The following OFD1 variants were observed in gnomAD, a reference collection of about 807,000 sequenced individuals.
OFD1 encodes the protein OFD1 centriole and centriolar satellite protein.
OFD1 carries 12 observed loss-of-function variants against 81.4 expected under a neutral mutation model. The observed-to-expected ratio is 0.15, with a 90% CI of 0.09 to 0.24. The LOEUF is 0.24. OFD1 is among the 10% of genes least tolerant of loss of function. The probability of loss-of-function intolerance (pLI) is 1.00; values close to 1 mark genes in which losing one functional copy is unlikely to be tolerated. For missense variants in OFD1, 685 were observed against 733.9 expected (o/e 0.93, Z 0.77); for synonymous variants, 256 against 263.7 (o/e 0.97, Z 0.28).
At position 13,734,787 on chromosome X, in the gene OFD1, C is replaced by T. The variant is rs1382367457; in HGVS notation, c.-285C>T. The stretch of plus-strand genomic sequence containing the variant: ...GGTCCTGCCTCGCTGCCTTCAGTCC[C>T]TAGTGTCTGGGTCCCCGCCCTCCAG... On this transcript the variant is annotated 5_prime_UTR_variant, in exon 1 of 23. Transcript: ENST00000340096. 1.2e-5 allele frequency: 13 copies of T among 1,069,550 alleles called. No individual in the cohort carries two copies. The highest frequency in any genetic ancestry group is 3.8e-5 in the African/African-American group (2 of 52,937). The allele number at this position is 1,069,550 out of a possible 1,213,427, so 88.1% of individuals were successfully genotyped here. A position where few individuals can be genotyped will look rare whatever the true frequency, so the allele number is the denominator to read the frequency against.
rs888766676 is a variant in OFD1 at position 13,769,191 on chromosome X, C to T, written c.*83C>T. 1.3e-6 allele frequency: 1 copy of T among 768,280 alleles called. No individual in the cohort carries two copies. The highest frequency in any genetic ancestry group is 3.1e-5 in the East Asian group (1 of 31,771). 63.3% of individuals were successfully genotyped at this position (768,280 alleles called of 1,213,427 possible). Reference sequence around the variant, plus strand: ...TCCTTTGTAAATGTTTCCCTATCATCAGACAAAACTCAATAAAAATGTGTG... The same window carrying T: ...TCCTTTGTAAATGTTTCCCTATCATTAGACAAAACTCAATAAAAATGTGTG... On this transcript the variant is annotated 3_prime_UTR_variant, in exon 23 of 23. Coordinates refer to ENST00000340096, the MANE Select transcript of OFD1 (RefSeq NM_003611.3).
chrX:13,733,832 C>A (rs2046739218), upstream of OFD1, among the ~76,000 whole-genome samples: 3 of 110,505 alleles, frequency 2.7e-5, no homozygotes, highest in East Asian at 2.8e-4. Context: ...CGAATCCTAC[C>A]CATCAAGGCC....
chrX:13,762,463 AC>A lies in OFD1; in HGVS notation c.2488+21del. 2 of 973,146 alleles carry A rather than the reference AC, an allele frequency of 2.1e-6. No homozygotes were observed. The highest frequency in any genetic ancestry group is 2.9e-6 in the Non-Finnish European group (2 of 678,867). 80.2% of individuals were successfully genotyped at this position (973,146 alleles called of 1,213,427 possible). ...TTTGAATGTAAGTTCAAATATAAAT[AC>A]CAGTTTTTATATGTTGAAAATCTAG... On this transcript the variant is annotated intron_variant, in intron 18 of 22. Coordinates refer to ENST00000340096, the MANE Select transcript of OFD1 (RefSeq NM_003611.3).
At chrX:13,734,591 C>G, upstream of OFD1, 1 of 677,949 alleles carries the variant, frequency 1.5e-6, no homozygotes, top group Non-Finnish European at 1.8e-6. Context: ...CGCCCCGAAC[C>G]TGTAGCCAGA....
intron 8 of OFD1, among the ~76,000 whole-genome samples, chrX:13,749,140 A>AT (rs57776230): frequency 8.4e-4 from 83 of 98,576 alleles, no homozygotes; most frequent in African/African-American, 1.6e-3. Context: ...AAAAAAAAAA[A>AT]TTTTTTTAGA....
chrX:13,750,363 C>T (rs2047456283), intron 9 of OFD1, among the ~76,000 whole-genome samples: 1 of 111,320 alleles, frequency 9.0e-6, no homozygotes, highest in Non-Finnish European at 1.9e-5. Flanking sequence ...TGTAGTTTAC[C>T]TCTCCATGGC....
At chrX:13,770,395 G>A (rs1192577040), downstream of OFD1, among the ~76,000 whole-genome samples, 1 of 112,221 alleles carries the variant, frequency 8.9e-6, no homozygotes, top group East Asian at 2.8e-4. Flanking sequence ...AGTGACAAAG[G>A]CTGGGCCTCA....
upstream of OFD1, chrX:13,734,695 G>T: frequency 1.0e-6 from 1 of 964,385 alleles, no homozygotes; most frequent in Non-Finnish European, 1.3e-6. Context: ...CTCATGCGCC[G>T]TAGCTCTTCA....
rs577448785 is a variant in OFD1 at position 13,748,302 on chromosome X, A to G, written c.829-1125A>G. Among the ~76,000 whole-genome samples the G allele has an allele frequency of 1.8e-4, 20 of 112,157 alleles. No homozygotes were observed. The South Asian group carries it at 7.4e-3, about 42-fold the overall frequency. The stretch of plus-strand genomic sequence containing the variant: ...CTTTGAAGAAGATTGTCATCCTCAT[A>G]AGAAGCACCATGTCTTTATTCCCTC... On this transcript the variant is annotated intron_variant, in intron 8 of 22. Coordinates refer to ENST00000340096, the MANE Select transcript of OFD1 (RefSeq NM_003611.3).
At position 13,755,050 on chromosome X, in the gene OFD1, A is replaced by G. The variant is rs2047648794; in HGVS notation, c.1130-101A>G. ...CTACATCTGCTATTTGGATTGTGAA[A>G]TAGTGGTCATTAGGTCTGACATACT... On this transcript the variant is annotated intron_variant, in intron 11 of 22. Coordinates refer to ENST00000340096, the MANE Select transcript of OFD1 (RefSeq NM_003611.3). The G allele has an allele frequency of 6.8e-6, 4 of 592,373 alleles. No homozygotes were observed. In the Admixed American group the frequency reaches 9.3e-5, roughly 14 times the overall value. 48.8% of individuals were successfully genotyped at this position (592,373 alleles called of 1,213,427 possible).
At chrX:13,763,013 G>A (rs1007102012) in intron 18 of OFD1, among the ~76,000 whole-genome samples, 3 of 112,313 alleles carry the variant, frequency 2.7e-5, no homozygotes, top group South Asian at 3.7e-4. Flanking sequence ...CAAGTGATCC[G>A]CCTGCATCGG....
In OFD1 at chrX:13,749,539, TA is replaced by T; in HGVS notation, c.935+8del. On this transcript the variant is annotated splice_region_variant and intron_variant, in intron 9 of 22. Transcript: ENST00000340096. ...AGAGTTGAAGCTTTTGAATTGTAAG[TA>T]ATGCATGTTCATTTTGGATATTCAG... 9.8e-7 allele frequency: 1 copy of T among 1,023,287 alleles called. No homozygotes were observed. The highest frequency in any genetic ancestry group is 1.4e-6 in the Non-Finnish European group (1 of 724,706). 84.3% of individuals were successfully genotyped at this position (1,023,287 alleles called of 1,213,427 possible). A position where few individuals can be genotyped will look rare whatever the true frequency, so the allele number is the denominator to read the frequency against.
chrX:13,743,460 G>A (rs2146954706), intron 5 of OFD1, among the ~76,000 whole-genome samples: 1 of 112,331 alleles, frequency 8.9e-6, no homozygotes, highest in Admixed American at 9.4e-5. Context: ...CCTTGTGAAA[G>A]TATACCTGTG....
Position 13,746,958 on chromosome X carries a change from T to C in OFD1, c.828+5T>C, listed in dbSNP as rs778261634. The C allele has an allele frequency of 2.5e-6, 3 of 1,201,853 alleles. No homozygotes were observed. In the African/African-American group the frequency reaches 5.3e-5, roughly 21 times the overall value. On this transcript the variant is annotated splice_donor_5th_base_variant and intron_variant, in intron 8 of 22. Coordinates refer to ENST00000340096, the MANE Select transcript of OFD1 (RefSeq NM_003611.3). ...AGAATTCACAAGCACCAAGAGGTGG[T>C]ATTTACAAATATTTTATGGGTGGCT...
At chrX:13,723,030 G>C in the OFD1 span, among the ~76,000 whole-genome samples, 1 of 105,231 alleles carries the variant, frequency 9.5e-6, no homozygotes, top group Non-Finnish European at 1.9e-5. Flanking sequence ...GGGAGGCGGA[G>C]CTTGCAGTGA....
chrX:13,757,968 T>C (rs1032920511), intron 14 of OFD1, among the ~76,000 whole-genome samples, 178 bp downstream of exon 14: 2 of 112,182 alleles, frequency 1.8e-5, no homozygotes, highest in Admixed American at 1.9e-4. Flanking sequence ...AACGTGACTT[T>C]ATATTCGTAA....
At chrX:13,720,091 G>A in the OFD1 span, 2 of 543,837 alleles carry the variant, frequency 3.7e-6, no homozygotes, top group Non-Finnish European at 5.4e-6. Flanking sequence ...ACATTGTAGA[G>A]GAAGATGCTA....
At chrX:13,729,800 C>T (rs902940346), upstream of OFD1, among the ~76,000 whole-genome samples, 4 of 111,296 alleles carry the variant, frequency 3.6e-5, no homozygotes, top group African/African-American at 1.3e-4. Context: ...CCCTGCTACT[C>T]GGGAGGCAGA....
downstream of OFD1, chrX:13,772,061 G>T (rs946599498): frequency 8.9e-6 from 1 of 112,265 alleles, no homozygotes; most frequent in African/African-American, 3.2e-5. Flanking sequence ...TTCTGTGAAA[G>T]ATATTTGGGT....
Sources: allele counts gnomAD v4.1 joint callset (sites outside exome capture counted in the v4.1 genomes callset), GRCh38; gene constraint gnomAD v4.1.1; transcripts MANE v1.5; gene names NCBI Gene and HGNC (gene_info 2026-07-23, HGNC 2026-07-21).